Variants in SAMMSON observed in about 807,000 individuals in gnomAD.
SAMMSON encodes the protein survival associated mitochondrial melanoma specific oncogenic non-coding RNA.
At chr3:70,045,994 C>T (rs569344977) in intron 3 of SAMMSON, among the ~76,000 whole-genome samples, 8 of 152,126 alleles carry the variant, frequency 5.3e-5, no homozygotes, top group South Asian at 2.1e-4. Context: ...AAGCATCACT[C>T]GGGGGCCATA....
At chr3:70,243,632 C>T (rs1701680588) in intron 4 of SAMMSON, among the ~76,000 whole-genome samples, 1 of 152,106 alleles carries the variant, frequency 6.6e-6, no homozygotes, top group Non-Finnish European at 1.5e-5. Context: ...TGGGTGGCAG[C>T]GTCCCTAGCC....
intron 4 of SAMMSON, among the ~76,000 whole-genome samples, chr3:70,136,616 T>C (rs1333359068): frequency 6.6e-6 from 1 of 152,210 alleles, no homozygotes; most frequent in East Asian, 1.9e-4. Context: ...TACTTTTTGC[T>C]TCAGACCTTT....
At chr3:70,407,124 G>A (rs1701183680) in intron 2 of SAMMSON, among the ~76,000 whole-genome samples, 1 of 152,072 alleles carries the variant, frequency 6.6e-6, no homozygotes, top group South Asian at 2.1e-4. Context: ...AACAGTATGG[G>A]GGAACCACCC....
At chr3:70,213,973 A>T (rs1576157805) in intron 4 of SAMMSON, among the ~76,000 whole-genome samples, 1 of 152,106 alleles carries the variant, frequency 6.6e-6, no homozygotes, top group Non-Finnish European at 1.5e-5. Context: ...TACCCAAAGA[A>T]GCTATGTTTT....
intron 2 of SAMMSON, among the ~76,000 whole-genome samples, chr3:70,405,425 T>A (rs973171184): frequency 6.6e-6 from 1 of 152,148 alleles, no homozygotes; most frequent in African/African-American, 2.4e-5. Context: ...ATGTGACCCA[T>A]GACCAGAAGG....
chr3:70,103,757 C>T (rs2067355017), intron 4 of SAMMSON, among the ~76,000 whole-genome samples: 1 of 152,158 alleles, frequency 6.6e-6, no homozygotes, highest in Non-Finnish European at 1.5e-5. Context: ...TAATCTTTAA[C>T]TAGGAAAATG....
intron 2 of SAMMSON, among the ~76,000 whole-genome samples, chr3:70,396,168 C>T (rs77289257): frequency 0.025 from 3,861 of 152,122 alleles, 160 homozygotes; most frequent in African/African-American, 0.087. Flanking sequence ...CTCTTATTTT[C>T]TCCATATATG....
intron 9 of SAMMSON, among the ~76,000 whole-genome samples, chr3:70,375,578 T>C (rs1703007878): frequency 6.6e-6 from 1 of 152,154 alleles, no homozygotes; most frequent in Admixed American, 6.5e-5. Flanking sequence ...GAAAGCTCTC[T>C]CCTCTGCTAC....
chr3:70,117,743 T>C (rs1301899788), intron 4 of SAMMSON, among the ~76,000 whole-genome samples: 2 of 152,144 alleles, frequency 1.3e-5, no homozygotes, highest in African/African-American at 4.8e-5. Flanking sequence ...TCAATTTAGA[T>C]ACCTGCTTGG....
intron 4 of SAMMSON, among the ~76,000 whole-genome samples, chr3:70,104,917 A>G (rs2067361613): frequency 6.6e-6 from 1 of 152,144 alleles, no homozygotes. Context: ...ACTCCTTCTA[A>G]TGTAGGTTCT....
intron 2 of SAMMSON, among the ~76,000 whole-genome samples, chr3:70,423,926 T>C (rs1465638873): frequency 1.3e-5 from 2 of 152,226 alleles, no homozygotes; most frequent in Non-Finnish European, 2.9e-5. Flanking sequence ...CAGATCTTTC[T>C]GGTCTGGAAT....
intron 7 of SAMMSON, among the ~76,000 whole-genome samples, chr3:70,308,922 T>G (rs1234725322): frequency 1.3e-5 from 2 of 152,204 alleles, no homozygotes; most frequent in African/African-American, 4.8e-5. Context: ...AAGGCATTGC[T>G]GTGATTACCC....
At chr3:70,133,331 A>C (rs1335441727) in intron 4 of SAMMSON, among the ~76,000 whole-genome samples, 1 of 152,176 alleles carries the variant, frequency 6.6e-6, no homozygotes, top group Middle Eastern at 3.2e-3. Flanking sequence ...GGGTTCAGAG[A>C]GCTTCCGAGC....
At chr3:70,434,156 G>A (rs1332315420) in intron 2 of SAMMSON, among the ~76,000 whole-genome samples, 2 of 152,284 alleles carry the variant, frequency 1.3e-5, no homozygotes, top group Non-Finnish European at 1.5e-5. Context: ...TTTGTTGATA[G>A]ACACAAAATA....
rs578088787 is a variant in SAMMSON at position 70,323,152 on chromosome 3, TA to T, written n.740-31019del. Among the ~76,000 whole-genome samples the T allele has an allele frequency of 4.1e-3, 625 of 152,246 alleles. 2 individuals are homozygous for T. The highest frequency in any genetic ancestry group is 5.6e-3 in the Non-Finnish European group (381 of 68,002). On this transcript the variant is annotated intron_variant and non_coding_transcript_variant, in intron 7 of 9. Coordinates refer to ENST00000642114, the Ensembl canonical transcript of SAMMSON. ...TTTCTCTTGAATTGTGAATCTCCTC[TA>T]AAATGCACAGGACGTAAGAAGAAGA...
At chr3:70,158,318 G>T (rs2067600335) in intron 4 of SAMMSON, among the ~76,000 whole-genome samples, 1 of 152,006 alleles carries the variant, frequency 6.6e-6, no homozygotes, top group African/African-American at 2.4e-5. Context: ...ATGGTATTTT[G>T]TGTTAGACTT....
intron 2 of SAMMSON, among the ~76,000 whole-genome samples, chr3:70,403,898 T>C (rs1355937415): frequency 6.6e-6 from 1 of 152,200 alleles, no homozygotes; most frequent in Non-Finnish European, 1.5e-5. Context: ...TGATCCAGAA[T>C]AGATATTATT....
At chr3:70,239,129 C>T (rs1211385389) in intron 4 of SAMMSON, among the ~76,000 whole-genome samples, 6 of 152,118 alleles carry the variant, frequency 3.9e-5, no homozygotes, top group Non-Finnish European at 8.8e-5. Flanking sequence ...ACTGGTCTTT[C>T]ATCAGTTCTA....
chr3:70,418,919 T>TCTTTCCTTTCCTTTCCTTTCCTTTC (rs200336047), intron 2 of SAMMSON, among the ~76,000 whole-genome samples: 1,228 of 85,086 alleles, frequency 0.014, 103 homozygotes, highest in African/African-American at 0.031. Flanking sequence ...ATGTTTGCTT[T>TCTTTCCTTTCCTTTCCTTTCCTTTC]CTTTCCTTTC....
Sources: allele counts gnomAD v4.1 joint callset (sites outside exome capture counted in the v4.1 genomes callset), GRCh38; gene constraint gnomAD v4.1.1; transcripts MANE v1.5; gene names NCBI Gene and HGNC (gene_info 2026-07-23, HGNC 2026-07-21).